Variants in PLSCR4 observed in about 807,000 individuals in gnomAD.
The protein encoded by PLSCR4 is phospholipid scramblase 4, also known as Ca(2+)-dependent phospholipid scramblase 4.
A neutral mutation model predicts 36.3 loss-of-function variants in PLSCR4; 25 were observed. That is an observed-to-expected ratio of 0.69 (90% CI 0.50 to 0.96). The LOEUF is 0.96. Ranked by LOEUF, PLSCR4 falls within the 40% of genes least tolerant of loss-of-function variation. PLSCR4 has a pLI of 0.00. For synonymous variants in PLSCR4, 122 were observed against 132.9 expected (o/e 0.92, Z 0.56); for missense variants, 408 against 414.7 (o/e 0.98, Z 0.14).
intron 3 of PLSCR4, among the ~76,000 whole-genome samples, chr3:146,217,011 TA>T (rs2034929955): frequency 6.6e-6 from 1 of 152,102 alleles, no homozygotes; most frequent in Non-Finnish European, 1.5e-5. Context: ...GGCCATGAGA[TA>T]AATCAAAGAT....
intron 3 of PLSCR4, 72 bp from the exon 4 acceptor site, chr3:146,206,833 A>T: frequency 5.4e-6 from 5 of 923,408 alleles, no homozygotes; most frequent in Non-Finnish European, 8.3e-6. Flanking sequence ...ACATGCGATG[A>T]AATAGATCAC....
At chr3:146,224,989 T>A (rs989801389) in intron 1 of PLSCR4, among the ~76,000 whole-genome samples, 1 of 150,942 alleles carries the variant, frequency 6.6e-6, no homozygotes, top group South Asian at 2.1e-4. Flanking sequence ...CTCACAAACC[T>A]TGAGCTAAAC....
At chr3:146,227,484 C>CTGTGTTATATGCTTTTCAAT (rs2035526415) in intron 1 of PLSCR4, among the ~76,000 whole-genome samples, 2 of 152,194 alleles carry the variant, frequency 1.3e-5, no homozygotes, top group African/African-American at 4.8e-5. Flanking sequence ...ACAAGCGCAG[C>CTGTGTTATATGCTTTTCAAT]TGTGTTATAT....
chr3:146,200,947 G>T (rs2034017985), intron 5 of PLSCR4, 88 bp downstream of exon 5: 2 of 805,546 alleles, frequency 2.5e-6, no homozygotes, highest in Non-Finnish European at 2.0e-6. Context: ...ACTAAAACAT[G>T]ATCAATATAA....
At position 146,199,803 on chromosome 3, in the gene PLSCR4, ATTCTCTGACCTC is replaced by A. The variant is rs1403919536; in HGVS notation, c.622_624+9del. On this transcript the variant is annotated splice_donor_variant and splice_donor_5th_base_variant and coding_sequence_variant and intron_variant, in exon 6 of 9. Coordinates refer to ENST00000354952, the MANE Select transcript of PLSCR4 (RefSeq NM_020353.3). LOFTEE classifies it high-confidence loss of function. Reference sequence around the variant, plus strand: ...GAAGCAAGCTGTGGATCAGACTTCCATTCTCTGACCTCTTGTCTGGCAGAGGGGCAACAGAAG... The same window carrying A: ...GAAGCAAGCTGTGGATCAGACTTCCATTGTCTGGCAGAGGGGCAACAGAAG... The A allele has an allele frequency of 6.2e-7, 1 of 1,603,762 alleles. No individual in the cohort carries two copies. Among genetic ancestry groups the A allele is most frequent in the African/African-American group, 1.3e-5 (1 of 74,690 alleles).
At chr3:146,194,575 G>A in intron 8 of PLSCR4, 120 bp from the exon 9 acceptor site, 1 of 634,064 alleles carries the variant, frequency 1.6e-6, no homozygotes, top group Admixed American at 2.8e-5. Flanking sequence ...ATAAATTTAG[G>A]GAAATATTTA....
chr3:146,204,724 A>G (rs1172022122), intron 4 of PLSCR4, among the ~76,000 whole-genome samples: 2 of 152,084 alleles, frequency 1.3e-5, no homozygotes, highest in East Asian at 1.9e-4. Flanking sequence ...ACAAAGCTAT[A>G]CAATTTGAAA....
intron 1 of PLSCR4, among the ~76,000 whole-genome samples, chr3:146,248,337 T>C (rs976936715): frequency 6.6e-6 from 1 of 152,226 alleles, no homozygotes; most frequent in African/African-American, 2.4e-5. Context: ...TTTTTCCTTA[T>C]ACACACGCAT....
intron 1 of PLSCR4, among the ~76,000 whole-genome samples, chr3:146,247,299 C>T (rs2036377099): frequency 6.6e-6 from 1 of 152,024 alleles, no homozygotes; most frequent in Non-Finnish European, 1.5e-5. Flanking sequence ...TATCAAACTG[C>T]ACTCTAAAGA....
rs73150824 is a variant in PLSCR4, at chr3:146,196,349, G to T, written c.786+283C>A. On this transcript the variant is annotated intron_variant, in intron 7 of 8. Coordinates refer to ENST00000354952, the MANE Select transcript of PLSCR4 (RefSeq NM_020353.3). ...ATTACATATAGCCAACAATAGAATA[G>T]ATGAATTAGGTCAAGCTATTTACTC... 4.1e-3 allele frequency: 1,348 copies of T among 331,378 alleles called. 10 individuals carry two copies. The highest frequency in any genetic ancestry group is 8.9e-3 in the South Asian group (216 of 24,168). 20.5% of individuals were successfully genotyped at this position (331,378 alleles called of 1,614,324 possible).
At chr3:146,240,141 TGA>T (rs913392606) in intron 1 of PLSCR4, among the ~76,000 whole-genome samples, 5 of 152,168 alleles carry the variant, frequency 3.3e-5, no homozygotes, top group Admixed American at 3.3e-4. Context: ...ACCATTTATC[TGA>T]GAGACTTTTG....
At chr3:146,233,704 G>T (rs1256822029) in intron 1 of PLSCR4, among the ~76,000 whole-genome samples, 1 of 152,118 alleles carries the variant, frequency 6.6e-6, no homozygotes, top group African/African-American at 2.4e-5. Flanking sequence ...GAAGCCCACA[G>T]AGTTTAAGCA....
chr3:146,205,709 A>C (rs1479738473), intron 4 of PLSCR4, among the ~76,000 whole-genome samples: 1 of 152,190 alleles, frequency 6.6e-6, no homozygotes, highest in Non-Finnish European at 1.5e-5. Flanking sequence ...ACTCAGAATA[A>C]ATTTAAAATT....
intron 2 of PLSCR4, among the ~76,000 whole-genome samples, chr3:146,221,851 T>C (rs1232339998): frequency 6.6e-6 from 1 of 152,074 alleles, no homozygotes; most frequent in Admixed American, 6.5e-5. Flanking sequence ...CCACTGTAAG[T>C]CCCTTTTTAA....
At chr3:146,246,021 A>T (rs1467350321) in intron 1 of PLSCR4, among the ~76,000 whole-genome samples, 1 of 152,088 alleles carries the variant, frequency 6.6e-6, no homozygotes, top group East Asian at 1.9e-4. Flanking sequence ...CAATGACTGA[A>T]GGATTCAGTC....
chr3:146,219,182 G>C (rs1352159695), intron 3 of PLSCR4, among the ~76,000 whole-genome samples: 1 of 152,112 alleles, frequency 6.6e-6, no homozygotes, highest in Non-Finnish European at 1.5e-5. Flanking sequence ...AACTTACCTT[G>C]TCATTTAATT....
rs921880763 is a variant in PLSCR4, at chr3:146,245,666, G to C, written c.-22+5294C>G. Among the ~76,000 whole-genome samples the C allele has an allele frequency of 7.2e-5, 11 of 152,006 alleles. No homozygotes were observed. In the East Asian group the frequency reaches 2.1e-3, roughly 29 times the overall value. ...TATAATCTGGATAATTATAATGATAGCAATGTTTTTAAAAAATATGGAAAC... is the reference window on the plus strand; with the variant it reads ...TATAATCTGGATAATTATAATGATACCAATGTTTTTAAAAAATATGGAAAC... On this transcript the variant is annotated intron_variant, in intron 1 of 8. Coordinates refer to ENST00000354952, the MANE Select transcript of PLSCR4 (RefSeq NM_020353.3).
In PLSCR4 at chr3:146,201,064, T is replaced by A. The variant is rs761519089; in HGVS notation, c.368A>T (p.His123Leu). The A allele has an allele frequency of 6.4e-7, 1 of 1,553,826 alleles. No homozygotes were observed. Among genetic ancestry groups the A allele is most frequent in the Non-Finnish European group, 8.6e-7 (1 of 1,157,456 alleles). ...LEYLVQLDNI[H>L]VLQHFEPLEM... ...CAGAGGCTCAAAATGCTGAAGAACA[T>A]GTATGTTGTCCAACTGTTGGGATAA... Residue 123 changes from histidine (H) to leucine (L), a missense_variant, in exon 5 of 9, where the codon CAT (histidine) becomes CTT (leucine). Transcript: ENST00000354952.
chr3:146,227,648 C>A (rs1330721720), intron 1 of PLSCR4, among the ~76,000 whole-genome samples: 4 of 152,120 alleles, frequency 2.6e-5, no homozygotes, highest in Non-Finnish European at 4.4e-5. Flanking sequence ...TGGAAGCTAT[C>A]CTGGCCTCTC....
Sources: allele counts gnomAD v4.1 joint callset (sites outside exome capture counted in the v4.1 genomes callset), GRCh38; gene constraint gnomAD v4.1.1; transcripts MANE v1.5; gene names NCBI Gene and HGNC (gene_info 2026-07-23, HGNC 2026-07-21).